The following SGIP1 variants were observed in gnomAD, a reference collection of about 807,000 sequenced individuals.
SGIP1 encodes SH3-containing GRB2-like protein 3-interacting protein 1.
SGIP1 carries 38 observed loss-of-function variants against 107.5 expected under a neutral mutation model. The observed-to-expected ratio is 0.35, with a 90% CI of 0.27 to 0.46. SGIP1 has a LOEUF of 0.46. SGIP1 is among the 20% of genes least tolerant of loss of function. SGIP1 has a pLI of 1.00. For missense variants in SGIP1, 929 were observed against 1,019.5 expected (o/e 0.91, Z 1.21); for synonymous variants, 365 against 366.1 (o/e 1.00, Z 0.03).
intron 1 of SGIP1, among the ~76,000 whole-genome samples, chr1:66,576,344 T>G (rs2061065807): frequency 6.6e-6 from 1 of 152,096 alleles, no homozygotes; most frequent in Non-Finnish European, 1.5e-5. Context: ...AGTTGAACAG[T>G]GTAATGTGGG....
intron 6 of SGIP1, 48 bp from the exon 7 acceptor site, chr1:66,643,496 T>C: frequency 6.5e-7 from 1 of 1,532,872 alleles, no homozygotes; most frequent in Non-Finnish European, 8.8e-7. Context: ...CTTGGAGTCG[T>C]TGCCTCCCAG....
intron 16 of SGIP1, 102 bp from the exon 17 acceptor site, chr1:66,690,088 T>A: frequency 7.4e-7 from 1 of 1,345,442 alleles, no homozygotes; most frequent in East Asian, 2.3e-5. Context: ...ATTCTTCAGA[T>A]ACCTAAGTTG....
intron 16 of SGIP1, 77 bp from the exon 17 acceptor site, chr1:66,690,113 G>C: frequency 6.5e-7 from 1 of 1,549,130 alleles, no homozygotes; most frequent in African/African-American, 1.4e-5. Context: ...ATCTGGGGCT[G>C]GGAGACATTA....
At chr1:66,581,767 T>C (rs954808851) in intron 1 of SGIP1, among the ~76,000 whole-genome samples, 2 of 152,064 alleles carry the variant, frequency 1.3e-5, no homozygotes, top group African/African-American at 4.8e-5. Context: ...TCGTAATACA[T>C]GGCATCAAAT....
intron 7 of SGIP1, chr1:66,659,992 A>AAGAC (rs2080703764): frequency 1.7e-5 from 1 of 59,618 alleles, no homozygotes; most frequent in Non-Finnish European, 2.9e-5. Context: ...GAAAGAAAGA[A>AAGAC]AGAAAGACAG....
chr1:66,749,441 G>T lies in SGIP1; in HGVS notation c.*6346G>T, dbSNP rs1389520432. On this transcript the variant is annotated 3_prime_UTR_variant, in exon 25 of 25. Transcript: ENST00000371037. Reference sequence around the variant, plus strand: ...TACTCTTTTAATGAGCATTTCATAGGGTTTTTTTTTTGCTGTTTTTTTTTC... The same window carrying T: ...TACTCTTTTAATGAGCATTTCATAGTGTTTTTTTTTTGCTGTTTTTTTTTC... Among the ~76,000 whole-genome samples the T allele has an allele frequency of 7.8e-6, 1 of 128,742 alleles. No individual in the cohort carries two copies. Among genetic ancestry groups the T allele is most frequent in the Admixed American group, 7.8e-5 (1 of 12,856 alleles). The allele number at this position is 128,742 out of a possible 152,430, so 84.5% of individuals were successfully genotyped here.
At chr1:66,707,598 T>A (rs1309690698) in intron 18 of SGIP1, among the ~76,000 whole-genome samples, 1 of 152,196 alleles carries the variant, frequency 6.6e-6, no homozygotes, top group Non-Finnish European at 1.5e-5. Flanking sequence ...TCCTTTAGGA[T>A]GCATGTCAGT....
At chr1:66,592,138 G>A (rs933063496) in intron 1 of SGIP1, among the ~76,000 whole-genome samples, 3 of 152,088 alleles carry the variant, frequency 2.0e-5, no homozygotes, top group Non-Finnish European at 4.4e-5. Flanking sequence ...ACCCTTTACC[G>A]ATGTCGGGCT....
intron 7 of SGIP1, among the ~76,000 whole-genome samples, chr1:66,659,791 T>C (rs1042493295): frequency 3.6e-4 from 55 of 151,188 alleles, no homozygotes; most frequent in Admixed American, 2.4e-3. Context: ...ATGCCTGTAG[T>C]CCTAGCTACA....
At chr1:66,694,262 C>T (rs2090439520) in intron 17 of SGIP1, among the ~76,000 whole-genome samples, 1 of 151,152 alleles carries the variant, frequency 6.6e-6, no homozygotes, top group Non-Finnish European at 1.5e-5. Context: ...AGAATCATCA[C>T]AAAATAAGAA....
chr1:66,561,383 C>T (rs1320352316), intron 1 of SGIP1, among the ~76,000 whole-genome samples: 1 of 152,028 alleles, frequency 6.6e-6, no homozygotes, highest in Non-Finnish European at 1.5e-5. Flanking sequence ...CTTTCCACTA[C>T]CCCTTGTTCC....
chr1:66,686,373 T>C (rs758496878), intron 15 of SGIP1, among the ~76,000 whole-genome samples: 1 of 152,236 alleles, frequency 6.6e-6, no homozygotes, highest in Non-Finnish European at 1.5e-5. Context: ...CCAACCTTTT[T>C]TAACTCACAA....
At chr1:66,665,533 T>A (rs1353985066) in intron 8 of SGIP1, among the ~76,000 whole-genome samples, 1 of 152,198 alleles carries the variant, frequency 6.6e-6, no homozygotes, top group African/African-American at 2.4e-5. Flanking sequence ...TATAGATCCT[T>A]GAGGAATCGC....
At chr1:66,568,165 C>T (rs2059911254) in intron 1 of SGIP1, among the ~76,000 whole-genome samples, 1 of 151,992 alleles carries the variant, frequency 6.6e-6, no homozygotes, top group African/African-American at 2.4e-5. Flanking sequence ...TTGTTTGTGT[C>T]CTCTCTTATT....
chr1:66,673,226 G>C, intron 11 of SGIP1, 55 bp from the exon 12 acceptor site: 1 of 1,527,620 alleles, frequency 6.5e-7, no homozygotes, highest in Non-Finnish European at 9.1e-7. Context: ...ATATCTTTTT[G>C]AGTATTAATT....
At position 66,631,073 on chromosome 1, in the gene SGIP1, AAGAAAGAAAGAAAGAAAGAAAGAAAG is replaced by A. The variant is rs1403119993; in HGVS notation, c.75-1995_75-1970del. 1.3e-3 allele frequency among the ~76,000 whole-genome samples: 190 copies of A among 141,740 alleles called. 1 individual carries two copies. Among genetic ancestry groups the A allele is most frequent in the African/African-American group, 4.6e-3 (187 of 40,364 alleles). The allele number at this position is 141,740 out of a possible 152,430, so 93.0% of individuals were successfully genotyped here. On this transcript the variant is annotated intron_variant, in intron 2 of 24. Coordinates refer to ENST00000371037, the MANE Select transcript of SGIP1 (RefSeq NM_032291.4). ...AAAGAAAGAAAGAAAGAAAGAAAGA[AAGAAAGAAAGAAAGAAAGAAAGAAAG>A]AAAAAAAGAAAGACTGACTCAGTAT...
chr1:66,723,501 G>T (rs2093631966), intron 19 of SGIP1, among the ~76,000 whole-genome samples: 1 of 152,086 alleles, frequency 6.6e-6, no homozygotes, highest in African/African-American at 2.4e-5. Context: ...AAGAACATTG[G>T]TGCTTAAAAA....
At chr1:66,680,719 G>A (rs751422129) in intron 14 of SGIP1, among the ~76,000 whole-genome samples, 5 of 152,044 alleles carry the variant, frequency 3.3e-5, no homozygotes, top group Non-Finnish European at 5.9e-5. Context: ...TAAATATTGC[G>A]GACTATGCAA....
intron 7 of SGIP1, among the ~76,000 whole-genome samples, chr1:66,651,914 C>A (rs2078834847): frequency 6.6e-6 from 1 of 152,104 alleles, no homozygotes; most frequent in South Asian, 2.1e-4. Context: ...AATTGGCAAG[C>A]ACTTTTTATG....
Sources: allele counts gnomAD v4.1 joint callset (sites outside exome capture counted in the v4.1 genomes callset), GRCh38; gene constraint gnomAD v4.1.1; transcripts MANE v1.5; gene names NCBI Gene and HGNC (gene_info 2026-07-23, HGNC 2026-07-21).